DPP10: variants seen among roughly 807,000 people sequenced by gnomAD.
DPP10 encodes inactive dipeptidyl peptidase 10.
Under a neutral mutation model 120.9 loss-of-function variants are expected in DPP10, and 33 were observed. The observed-to-expected ratio is 0.27, with a 90% CI of 0.21 to 0.37. The LOEUF (loss-of-function observed/expected upper bound fraction) is 0.37. Ranked by LOEUF, DPP10 falls within the 10% of genes least tolerant of loss-of-function variation. DPP10 has a pLI of 1.00. For synonymous variants in DPP10, 337 were observed against 326.1 expected (o/e 1.03, Z -0.36); for missense variants, 816 against 942.8 (o/e 0.87, Z 1.76).
chr2:114,512,049 A>T (rs1684191650), intron 1 of DPP10, among the ~76,000 whole-genome samples: 1 of 152,220 alleles, frequency 6.6e-6, no homozygotes, highest in Admixed American at 6.5e-5. Flanking sequence ...AATTACTCTG[A>T]TGAAATTGTT....
chr2:115,098,143 C>A (rs1308782057), intron 1 of DPP10, among the ~76,000 whole-genome samples: 1 of 152,172 alleles, frequency 6.6e-6, no homozygotes, highest in Non-Finnish European at 1.5e-5. Context: ...GGGATGGGTG[C>A]ACACGCATGG....
intron 5 of DPP10, among the ~76,000 whole-genome samples, chr2:115,531,727 C>A (rs1046041082): frequency 2.0e-5 from 3 of 152,048 alleles, no homozygotes; most frequent in Non-Finnish European, 4.4e-5. Flanking sequence ...GCTTGAACTT[C>A]TATAAACCAA....
intron 8 of DPP10, 34 bp from the exon 9 acceptor site, chr2:115,739,705 A>G: frequency 6.2e-7 from 1 of 1,608,664 alleles, no homozygotes; most frequent in East Asian, 2.2e-5. Context: ...CCACATCTCT[A>G]CAGTTGGTCT....
chr2:115,625,793 A>G (rs1454120583), intron 5 of DPP10, among the ~76,000 whole-genome samples: 1 of 152,098 alleles, frequency 6.6e-6, no homozygotes, highest in African/African-American at 2.4e-5. Flanking sequence ...TAATTTATGT[A>G]TAACCACTGA....
intron 1 of DPP10, among the ~76,000 whole-genome samples, chr2:114,926,952 G>A (rs570456673): frequency 1.3e-5 from 2 of 149,754 alleles, no homozygotes; most frequent in South Asian, 2.1e-4. Context: ...CCAGGTTCAC[G>A]CCATTCTTCT....
At chr2:114,977,252 C>T (rs904980820) in intron 1 of DPP10, among the ~76,000 whole-genome samples, 1 of 152,050 alleles carries the variant, frequency 6.6e-6, no homozygotes, top group African/African-American at 2.4e-5. Context: ...CTACCCTTGA[C>T]CAAACACGCT....
chr2:115,704,581 G>A (rs948517539), intron 7 of DPP10, among the ~76,000 whole-genome samples: 4 of 151,946 alleles, frequency 2.6e-5, no homozygotes, highest in Non-Finnish European at 5.9e-5. Context: ...AGAAACTGAT[G>A]AAAGACTTAT....
At chr2:115,606,477 A>G (rs2083713612) in intron 5 of DPP10, among the ~76,000 whole-genome samples, 1 of 152,102 alleles carries the variant, frequency 6.6e-6, no homozygotes, top group Non-Finnish European at 1.5e-5. Flanking sequence ...AGCACCCATT[A>G]ATTTCTTTTA....
At chr2:115,739,951 C>T (rs886729009) in intron 9 of DPP10, 58 bp downstream of exon 9, 73 of 1,573,218 alleles carry the variant, frequency 4.6e-5, no homozygotes, top group African/African-American at 2.7e-5. Flanking sequence ...AGTGACTTGA[C>T]AGATGGTATT....
intron 1 of DPP10, among the ~76,000 whole-genome samples, chr2:114,500,000 G>A (rs1264021532): frequency 6.6e-6 from 1 of 152,174 alleles, no homozygotes; most frequent in African/African-American, 2.4e-5. Context: ...CCTCCTCTGG[G>A]GAGAACTCAC....
At chr2:115,470,495 T>C (rs1026353678) in intron 3 of DPP10, among the ~76,000 whole-genome samples, 1 of 152,178 alleles carries the variant, frequency 6.6e-6, no homozygotes, top group African/African-American at 2.4e-5. Flanking sequence ...GCCTCTCTCA[T>C]TGGGCACTGG....
chr2:114,661,507 G>A (rs1697400769), intron 1 of DPP10, among the ~76,000 whole-genome samples: 1 of 152,158 alleles, frequency 6.6e-6, no homozygotes, highest in Non-Finnish European at 1.5e-5. Context: ...ATATGATAAA[G>A]CAAAAGGAAG....
At chr2:115,140,239 T>C (rs2050856056) in intron 1 of DPP10, among the ~76,000 whole-genome samples, 2 of 152,058 alleles carry the variant, frequency 1.3e-5, no homozygotes, top group Non-Finnish European at 2.9e-5. Context: ...TTGACAGAGA[T>C]GTAGAGGAAG....
chr2:114,697,479 A>C (rs751176758), intron 1 of DPP10, among the ~76,000 whole-genome samples: 2 of 151,964 alleles, frequency 1.3e-5, no homozygotes, highest in Non-Finnish European at 2.9e-5. Context: ...GGCTGGGCAC[A>C]GTGGCTCATG....
intron 7 of DPP10, among the ~76,000 whole-genome samples, chr2:115,698,778 T>G (rs1447753737): frequency 1.3e-5 from 2 of 152,146 alleles, no homozygotes; most frequent in Non-Finnish European, 2.9e-5. Context: ...TAAACTGCAC[T>G]GTCTTTGGTA....
chr2:115,346,412 A>G (rs559197469), intron 3 of DPP10, among the ~76,000 whole-genome samples: 1 of 152,238 alleles, frequency 6.6e-6, no homozygotes, highest in East Asian at 1.9e-4. Context: ...TTATTGGTCA[A>G]GGGGAAGGAG....
intron 1 of DPP10, among the ~76,000 whole-genome samples, chr2:115,300,242 GC>G (rs1245644803): frequency 4.6e-5 from 7 of 151,898 alleles, no homozygotes; most frequent in Non-Finnish European, 4.4e-5. Context: ...CCTCTCTTCA[GC>G]CCCTAACAAC....
In DPP10 at chr2:115,752,427, G is replaced by T. The variant is rs944787386; in HGVS notation, c.951-747G>T. Among the ~76,000 whole-genome samples, 31 of 152,128 alleles carry T rather than the reference G, an allele frequency of 2.0e-4. 1 individual carries two copies. Among genetic ancestry groups the T allele is most frequent in the African/African-American group, 7.5e-4 (31 of 41,424 alleles). On this transcript the variant is annotated intron_variant, in intron 10 of 25. Coordinates refer to ENST00000410059, the MANE Select transcript of DPP10 (RefSeq NM_020868.6). Reference sequence around the variant, plus strand: ...CTTTCCAATCACCAGTTACCATGAGGACATAATTGGCCCCATAAATTATAT... The same window carrying T: ...CTTTCCAATCACCAGTTACCATGAGTACATAATTGGCCCCATAAATTATAT...
At chr2:115,328,524 A>G (rs187251517) in intron 2 of DPP10, among the ~76,000 whole-genome samples, 139 of 152,208 alleles carry the variant, frequency 9.1e-4, no homozygotes, top group African/African-American at 3.2e-3. Flanking sequence ...AGTCACTGCC[A>G]AAAATGAAAG....
Sources: gnomAD v4.1 joint callset for allele counts (sites outside exome capture counted in the v4.1 genomes callset) on GRCh38, gnomAD v4.1.1 for gene constraint, MANE v1.5 for transcripts, NCBI Gene and HGNC (gene_info 2026-07-23, HGNC 2026-07-21) for gene names.